The following FAM13C variants were observed in gnomAD, a reference collection of about 807,000 sequenced individuals.
The protein encoded by FAM13C is protein FAM13C.
FAM13C carries 37 observed loss-of-function variants against 73.2 expected under a neutral mutation model. That is an observed-to-expected ratio of 0.51 (90% CI 0.39 to 0.67). The LOEUF (loss-of-function observed/expected upper bound fraction) is 0.67, where lower values mean the gene tolerates loss of function less well. Among genes scored for constraint, FAM13C ranks in the 30% least tolerant of loss-of-function variants. FAM13C has a pLI of 0.00. For missense variants in FAM13C, 589 were observed against 715.6 expected (o/e 0.82, Z 2.02); for synonymous variants, 246 against 260.9 (o/e 0.94, Z 0.55).
rs377345288 is a variant in FAM13C at position 59,291,942 on chromosome 10, T to C, written c.508-8495A>G. 2.4e-3 allele frequency among the ~76,000 whole-genome samples: 365 copies of C among 151,872 alleles called. 1 individual carries two copies. The highest frequency in any genetic ancestry group is 7.9e-3 in the African/African-American group (326 of 41,400). On this transcript the variant is annotated intron_variant, in intron 5 of 13. Coordinates refer to ENST00000618804, the MANE Select transcript of FAM13C (RefSeq NM_198215.4). ...TAGCTGGGACTACAGGCGCCCACCA[T>C]CACGCCTGGCGAATTTTTTATATTT...
At chr10:59,346,887 A>T (rs1854362761) in intron 3 of FAM13C, among the ~76,000 whole-genome samples, 1 of 152,264 alleles carries the variant, frequency 6.6e-6, no homozygotes, top group African/African-American at 2.4e-5. Flanking sequence ...ATTAGATATC[A>T]CATAAGGGCA....
chr10:59,322,968 T>G (rs773497971), intron 4 of FAM13C, among the ~76,000 whole-genome samples: 2 of 152,210 alleles, frequency 1.3e-5, no homozygotes, highest in Non-Finnish European at 2.9e-5. Context: ...TGAATCTGCC[T>G]GGATAGGGAA....
chr10:59,269,613 A>G (rs1032763709), intron 7 of FAM13C, among the ~76,000 whole-genome samples: 4 of 152,224 alleles, frequency 2.6e-5, no homozygotes, highest in African/African-American at 9.6e-5. Context: ...TGATATGTGC[A>G]TGTACATATA....
intron 5 of FAM13C, among the ~76,000 whole-genome samples, chr10:59,286,440 G>A (rs868397308): frequency 2.7e-5 from 4 of 150,190 alleles, no homozygotes; most frequent in East Asian, 2.0e-4. Context: ...GCTTGAACCC[G>A]GGAGTTTGGG....
At chr10:59,314,328 A>G (rs1391184055) in intron 4 of FAM13C, among the ~76,000 whole-genome samples, 1 of 152,200 alleles carries the variant, frequency 6.6e-6, no homozygotes, top group Non-Finnish European at 1.5e-5. Context: ...ATGAAGCTGA[A>G]CATGCAGTTC....
chr10:59,362,605 C>A, upstream of FAM13C: 11 of 1,483,720 alleles, frequency 7.4e-6, no homozygotes, highest in Non-Finnish European at 9.8e-6. Flanking sequence ...ATGCTCGTAA[C>A]GACACCCCCA....
chr10:59,324,710 T>C (rs954310966), intron 3 of FAM13C, among the ~76,000 whole-genome samples: 2 of 152,162 alleles, frequency 1.3e-5, no homozygotes, highest in Admixed American at 6.5e-5. Context: ...ATCATTTTTA[T>C]GAATTCCAGA....
At chr10:59,263,982 C>T in intron 9 of FAM13C, 103 bp downstream of exon 9, 1 of 1,036,300 alleles carries the variant, frequency 9.6e-7, no homozygotes, top group Middle Eastern at 2.0e-4. Context: ...AAACAAGGTG[C>T]AAGAGGGCAC....
chr10:59,283,552 C>T (rs769057217), intron 5 of FAM13C, 105 bp from the exon 6 acceptor site: 3 of 1,100,676 alleles, frequency 2.7e-6, no homozygotes, highest in South Asian at 1.2e-5. Context: ...AAGTAGATGC[C>T]TAACACACAA....
chr10:59,305,312 A>G (rs1229588444), intron 4 of FAM13C, among the ~76,000 whole-genome samples: 1 of 152,226 alleles, frequency 6.6e-6, no homozygotes, highest in Non-Finnish European at 1.5e-5. Context: ...CTATGGTCCA[A>G]TGTCATCTGT....
chr10:59,292,334 C>A (rs1161081811), intron 5 of FAM13C, among the ~76,000 whole-genome samples: 1 of 152,152 alleles, frequency 6.6e-6, no homozygotes, highest in Non-Finnish European at 1.5e-5. Context: ...GGGTTGTAGC[C>A]CATATGGTTG....
At chr10:59,305,817 C>T (rs1848187923) in intron 4 of FAM13C, among the ~76,000 whole-genome samples, 1 of 152,192 alleles carries the variant, frequency 6.6e-6, no homozygotes, top group Non-Finnish European at 1.5e-5. Context: ...TTAGATAGCT[C>T]AAGGGGAAAA....
In FAM13C at chr10:59,276,544, G is replaced by C. The variant is rs535464669; in HGVS notation, c.593-6435C>G. Among the ~76,000 whole-genome samples, 51 of 152,256 alleles carry C rather than the reference G, an allele frequency of 3.3e-4. No homozygotes were observed. The South Asian group carries it at 9.7e-3, about 29-fold the overall frequency. The stretch of plus-strand genomic sequence containing the variant: ...AAAGGAAACTGAGGAGGATGAGAGA[G>C]TAAATAACCTGTCCCAAATCACCCA... On this transcript the variant is annotated intron_variant, in intron 6 of 13. Transcript: ENST00000618804.
chr10:59,316,844 T>C (rs1457141851), intron 4 of FAM13C, among the ~76,000 whole-genome samples: 2 of 152,138 alleles, frequency 1.3e-5, no homozygotes, highest in Non-Finnish European at 2.9e-5. Flanking sequence ...TTTTATGATA[T>C]GGAAAAGAGA....
In FAM13C at chr10:59,360,568, T is replaced by C. The variant is rs539468056; in HGVS notation, c.62+1831A>G. 2.6e-5 allele frequency among the ~76,000 whole-genome samples: 4 copies of C among 152,270 alleles called. No individual in the cohort carries two copies. The South Asian group carries it at 8.3e-4, about 32-fold the overall frequency. On this transcript the variant is annotated intron_variant, in intron 1 of 13. Transcript: ENST00000618804. ...CCAGAGAAGCACGGGATATGGGTCA[T>C]ATTACTGAGGTGAGGGGAAAATGTT... is the stretch of plus-strand genomic sequence containing the variant.
At chr10:59,257,739 C>T (rs1842079983) in intron 10 of FAM13C, among the ~76,000 whole-genome samples, 1 of 152,102 alleles carries the variant, frequency 6.6e-6, no homozygotes, top group African/African-American at 2.4e-5. Context: ...AAAGCAATTG[C>T]TAAAGAGAAT....
At chr10:59,279,829 AC>A (rs2133655358) in intron 6 of FAM13C, among the ~76,000 whole-genome samples, 1 of 152,318 alleles carries the variant, frequency 6.6e-6, no homozygotes, top group Admixed American at 6.5e-5. Context: ...ATAACAAATT[AC>A]CATAGACTGA....
chr10:59,257,088 G>A (rs1161552056), intron 10 of FAM13C, among the ~76,000 whole-genome samples: 25 of 152,126 alleles, frequency 1.6e-4, no homozygotes, highest in Admixed American at 1.6e-3. Flanking sequence ...ATAAATAAAA[G>A]GAGATAAACT....
Position 59,269,825 on chromosome 10 carries a change from C to T in FAM13C, c.803+74G>A, listed in dbSNP as rs999990758. 12 of 1,522,992 alleles carry T rather than the reference C, an allele frequency of 7.9e-6. No homozygotes were observed. In the Admixed American group the frequency reaches 9.4e-5, roughly 12 times the overall value. 94.3% of individuals were successfully genotyped at this position (1,522,992 alleles called of 1,614,324 possible). On this transcript the variant is annotated intron_variant, in intron 7 of 13. Coordinates refer to ENST00000618804, the MANE Select transcript of FAM13C (RefSeq NM_198215.4). The stretch of plus-strand genomic sequence containing the variant: ...GCACATTTGTGCTACTTCAGTCACA[C>T]TTCATTGTAGCTTATAAATGTGGTA...
Sources: gnomAD v4.1 joint callset for allele counts (sites outside exome capture counted in the v4.1 genomes callset) on GRCh38, gnomAD v4.1.1 for gene constraint, MANE v1.5 for transcripts, NCBI Gene and HGNC (gene_info 2026-07-23, HGNC 2026-07-21) for gene names.